UMPS: variants seen among roughly 807,000 people sequenced by gnomAD.
UMPS encodes uridine monophosphate synthetase.
In UMPS, 21 loss-of-function variants were observed where a neutral mutation model predicts 38.9. The observed-to-expected ratio is 0.54, with a 90% CI of 0.38 to 0.78. The LOEUF (loss-of-function observed/expected upper bound fraction) is 0.78. Among genes scored for constraint, UMPS ranks in the 30% least tolerant of loss-of-function variants. The probability of loss-of-function intolerance (pLI) is 0.00; values close to 1 mark genes in which losing one functional copy is unlikely to be tolerated. For synonymous variants in UMPS, 208 were observed against 219.3 expected (o/e 0.95, Z 0.45); for missense variants, 533 against 591.6 (o/e 0.90, Z 1.03).
chr3:124,735,903 G>C (rs2063515104), intron 2 of UMPS, among the ~76,000 whole-genome samples: 1 of 152,184 alleles, frequency 6.6e-6, no homozygotes, highest in Admixed American at 6.5e-5. Flanking sequence ...CTTGAACCCA[G>C]GAGGTGGAGG....
At position 124,740,068 on chromosome 3, in the gene UMPS, C is replaced by T. The variant is rs1172257692; in HGVS notation, c.1027C>T (p.His343Tyr). 2.5e-6 allele frequency: 4 copies of T among 1,614,114 alleles called. No individual in the cohort carries two copies. The highest frequency in any genetic ancestry group is 1.1e-5 in the South Asian group (1 of 91,080). The change falls in exon 4 of 6, where the codon CAC becomes TAC. Residue 343 changes from histidine (H) to tyrosine (Y), a missense_variant. His to Tyr is a moderately conservative substitution (Grantham distance 83). Transcript: ENST00000232607. Reference sequence around the variant, plus strand: ...TTCCTGGGCAGATCTAGTAAATGCTCACGTGGTGCCAGGCTCAGGAGTTGT... The same window carrying T: ...TTCCTGGGCAGATCTAGTAAATGCTTACGTGGTGCCAGGCTCAGGAGTTGT... ...IASWADLVNA[H>Y]VVPGSGVVKG...
At chr3:124,731,785 T>C (rs926017203) in intron 1 of UMPS, among the ~76,000 whole-genome samples, 1 of 151,006 alleles carries the variant, frequency 6.6e-6, no homozygotes, top group African/African-American at 2.4e-5. Context: ...TAATCCCAGC[T>C]ACTCAGGAGG....
Position 124,740,170 on chromosome 3 carries a change from C to T in UMPS, c.1129C>T (p.Leu377=), listed in dbSNP as rs778905078. 6.2e-7 allele frequency: 1 copy of T among 1,613,332 alleles called. No homozygotes were observed. The highest frequency in any genetic ancestry group is 1.3e-5 in the African/African-American group (1 of 74,946). ...TGCGGAAATGAGCTCCACCGGCTCC[C>T]TGGCCACTGGGGACTACACTAGAGC... The part of the protein sequence containing the change: ...LIAEMSSTGS[L]ATGDYTRAAV... Residue 377 remains leucine, a synonymous_variant, in exon 4 of 6, where the codon CTG becomes TTG. Coordinates refer to ENST00000232607, the MANE Select transcript of UMPS (RefSeq NM_000373.4).
At chr3:124,739,950 GTT>G (rs2063544466) in intron 3 of UMPS, 72 bp from the exon 4 acceptor site, 1 of 1,393,680 alleles carries the variant, frequency 7.2e-7, no homozygotes, top group African/African-American at 1.4e-5. Flanking sequence ...TCATATTGTA[GTT>G]GGTTGGTTGG....
At position 124,747,774 on chromosome 3, in the gene UMPS, G is replaced by C; in HGVS notation, c.*3690G>C. ...GGGCTCCACCAGGAACCAGTCTTCT[G>C]CCTTCCCAACCATCACCTCTGGCTG... On this transcript the variant is annotated 3_prime_UTR_variant, in exon 6 of 6. Transcript: ENST00000232607. 2.2e-6 allele frequency: 1 copy of C among 451,148 alleles called. No homozygotes were observed. Among genetic ancestry groups the C allele is most frequent in the East Asian group, 7.0e-5 (1 of 14,282 alleles). 27.9% of individuals were successfully genotyped at this position (451,148 alleles called of 1,614,324 possible).
rs763072078 is a variant in UMPS, at chr3:124,745,362, C to T, written c.*1278C>T. 1 of 417,866 alleles carries T rather than the reference C, an allele frequency of 2.4e-6. No homozygotes were observed. Among genetic ancestry groups the T allele is most frequent in the Admixed American group, 2.7e-5 (1 of 36,776 alleles). The allele number at this position is 417,866 out of a possible 1,614,324, so 25.9% of individuals were successfully genotyped here. A position where few individuals can be genotyped will look rare whatever the true frequency, so the allele number is the denominator to read the frequency against. On this transcript the variant is annotated 3_prime_UTR_variant, in exon 6 of 6. Coordinates refer to ENST00000232607, the MANE Select transcript of UMPS (RefSeq NM_000373.4). ...TGTTCTTTAATGACTCAGAGGAATG[C>T]CTAGGATTTTTTTTTTTTTTTGAGA...
Position 124,735,183 on chromosome 3 carries a change from A to G in UMPS, c.247A>G (p.Thr83Ala), listed in dbSNP as rs1457681879. 6.2e-7 allele frequency: 1 copy of G among 1,614,112 alleles called. No individual in the cohort carries two copies. Among genetic ancestry groups the G allele is most frequent in the Non-Finnish European group, 8.5e-7 (1 of 1,179,956 alleles). ...GVPYTALPLA[T>A]VICSTNQIPM... ...GCCTTATACAGCTTTGCCATTGGCT[A>G]CAGTTATCTGTTCAACCAATCAAAT... The change falls in exon 2 of 6, where the codon ACA becomes GCA. Residue 83 changes from threonine (T) to alanine (A), a missense_variant. Transcript: ENST00000232607.
Position 124,730,521 on chromosome 3 carries a change from A to ACGT in UMPS, c.51_53dup (p.Val18dup). 2 of 1,614,112 alleles carry ACGT rather than the reference A, an allele frequency of 1.2e-6. No individual in the cohort carries two copies. The highest frequency in any genetic ancestry group is 1.7e-6 in the Non-Finnish European group (2 of 1,179,990). On this transcript the variant is annotated inframe_insertion, in exon 1 of 6. Transcript: ENST00000232607. ...GGGCCATTGGTGACGGGTCTGTACGACGTGCAGGCTTTCAAGTTTGGGGAC... is the reference window on the plus strand; with the variant it reads ...GGGCCATTGGTGACGGGTCTGTACGACGTCGTGCAGGCTTTCAAGTTTGGGGAC...
At position 124,745,431 on chromosome 3, in the gene UMPS, T is replaced by A. The variant is rs2063589429; in HGVS notation, c.*1347T>A. 2 of 453,630 alleles carry A rather than the reference T, an allele frequency of 4.4e-6. No individual in the cohort carries two copies. The highest frequency in any genetic ancestry group is 3.1e-5 in the South Asian group (2 of 64,462). 28.1% of individuals were successfully genotyped at this position (453,630 alleles called of 1,614,324 possible). On this transcript the variant is annotated 3_prime_UTR_variant, in exon 6 of 6. Transcript: ENST00000232607. ...CAGGCTGGAGTTCAGTGGCACGATC[T>A]CGGCTCACTGCAACTTCTGCCTCTC...
rs1319483969 is a variant in UMPS at position 124,747,574 on chromosome 3, C to T, written c.*3490C>T. The T allele has an allele frequency of 2.2e-6, 1 of 453,196 alleles. No homozygotes were observed. The highest frequency in any genetic ancestry group is 4.4e-6 in the Non-Finnish European group (1 of 225,994). The allele number at this position is 453,196 out of a possible 1,614,324, so 28.1% of individuals were successfully genotyped here. A position where few individuals can be genotyped will look rare whatever the true frequency, so the allele number is the denominator to read the frequency against. On this transcript the variant is annotated 3_prime_UTR_variant, in exon 6 of 6. Transcript: ENST00000232607. ...GTAGAGCAGAGCCTACTCCAGCCTC[C>T]CCCGTCCAATGTATGAAAGCCCCAG... is the stretch of plus-strand genomic sequence containing the variant.
At chr3:124,743,341 T>TAAATA (rs58620119) in intron 5 of UMPS, among the ~76,000 whole-genome samples, 26,521 of 133,350 alleles carry the variant, frequency 0.2, 2,490 homozygotes, top group Admixed American at 0.27. Context: ...CTCAAAAAAA[T>TAAATA]AAATAAATAA....
Position 124,740,127 on chromosome 3 carries a change from T to C in UMPS, c.1086T>C (p.His362=), listed in dbSNP as rs2063546240. 1 of 1,613,970 alleles carries C rather than the reference T, an allele frequency of 6.2e-7. No individual in the cohort carries two copies. The highest frequency in any genetic ancestry group is 1.3e-5 in the African/African-American group (1 of 74,908). ...TGCAAGAAGTGGGCCTGCCTTTGCATCGGGGGTGCCTCCTTATTGCGGAAA... is the reference window on the plus strand; with the variant it reads ...TGCAAGAAGTGGGCCTGCCTTTGCACCGGGGGTGCCTCCTTATTGCGGAAA... ...KGLQEVGLPL[H]RGCLLIAEMS... is the part of the protein sequence containing the mutation. Residue 362 remains histidine (H), a synonymous_variant, in exon 4 of 6, where the codon CAT becomes CAC. Transcript: ENST00000232607.
At chr3:124,730,668 G>A (rs771739279) in intron 1 of UMPS, 41 bp downstream of exon 1, 1 of 1,600,938 alleles carries the variant, frequency 6.2e-7, no homozygotes, top group South Asian at 1.1e-5. Context: ...TTGGTGGCGG[G>A]AAGGAGGACA....
chr3:124,735,300 C>G, intron 2 of UMPS, 54 bp downstream of exon 2: 1 of 1,536,844 alleles, frequency 6.5e-7, no homozygotes, highest in Non-Finnish European at 8.9e-7. Flanking sequence ...ACATCATACT[C>G]TTAGAATTTT....
rs1559905099 is a variant in UMPS at position 124,737,846 on chromosome 3, G to A, written c.589G>A (p.Val197Met). ...KKVDAETVGR[V>M]KRFIQENVFV... is the part of the protein sequence containing the mutation. ...AGTTGATGCTGAGACAGTTGGGAGA[G>A]TGAAGAGGTTTATTCAGGAGAATGT... Residue 197 changes from valine (V) to methionine (M), a missense_variant, in exon 3 of 6, where the codon GTG (valine) becomes ATG (methionine). Physicochemically the swap from Val to Met is conservative, Grantham distance 21. Transcript: ENST00000232607. 1.2e-6 allele frequency: 2 copies of A among 1,614,228 alleles called. No individual in the cohort carries two copies. The highest frequency in any genetic ancestry group is 1.7e-6 in the Non-Finnish European group (2 of 1,180,038).
At chr3:124,735,287 G>A (rs772361187) in intron 2 of UMPS, 41 bp downstream of exon 2, 2 of 1,563,802 alleles carry the variant, frequency 1.3e-6, no homozygotes, top group South Asian at 1.1e-5. Context: ...TAATTAATCT[G>A]TAACATCATA....
chr3:124,735,557 T>C (rs1299795760), intron 2 of UMPS, among the ~76,000 whole-genome samples: 1 of 152,176 alleles, frequency 6.6e-6, no homozygotes, highest in Non-Finnish European at 1.5e-5. Context: ...TTTCCCAGTA[T>C]GTTTGTATTT....
intron 5 of UMPS, among the ~76,000 whole-genome samples, chr3:124,743,511 G>A (rs1013000724): frequency 3.0e-4 from 46 of 151,390 alleles, no homozygotes; most frequent in Middle Eastern, 6.8e-3. Context: ...GGTGGCAGGC[G>A]CCTGTAGTCC....
intron 4 of UMPS, among the ~76,000 whole-genome samples, chr3:124,741,117 C>T (rs1239381719): frequency 2.0e-5 from 3 of 152,200 alleles, no homozygotes; most frequent in Middle Eastern, 3.4e-3. Context: ...AGGTTTTAAC[C>T]CTATCCCTGA....
Sources: gnomAD v4.1 joint callset for allele counts (sites outside exome capture counted in the v4.1 genomes callset) on GRCh38, gnomAD v4.1.1 for gene constraint, MANE v1.5 for transcripts, NCBI Gene and HGNC (gene_info 2026-07-23, HGNC 2026-07-21) for gene names.